The following SLC47A2 variants were observed in gnomAD, a reference collection of about 807,000 sequenced individuals.
SLC47A2 encodes the protein multidrug and toxin extrusion protein 2.
A neutral mutation model predicts 67.7 loss-of-function variants in SLC47A2; 52 were observed. The ratio of observed to expected loss-of-function variants is 0.77; its 90% CI spans 0.61 to 0.97. The LOEUF is 0.97. Ranked by LOEUF, SLC47A2 falls within the 50% of genes least tolerant of loss-of-function variation. SLC47A2 has a pLI of 0.00. For synonymous variants in SLC47A2, 278 were observed against 292.9 expected (o/e 0.95, Z 0.52); for missense variants, 676 against 712.3 (o/e 0.95, Z 0.58).
Position 19,704,196 on chromosome 17 carries a change from A to C in SLC47A2, c.910-18T>G. ...AAGGGAATCTGGGATCAAAGATAAG[A>C]AAGCACTGTCAGTGGGCCCACCCTC... is the stretch of plus-strand genomic sequence containing the variant. On this transcript the variant is annotated intron_variant, in intron 10 of 16. Coordinates refer to ENST00000433844, the MANE Select transcript of SLC47A2 (RefSeq NM_001099646.3). 6.3e-7 allele frequency: 1 copy of C among 1,593,552 alleles called. No homozygotes were observed. Among genetic ancestry groups the C allele is most frequent in the African/African-American group, 1.3e-5 (1 of 74,472 alleles).
chr17:19,705,333 T>G, intron 10 of SLC47A2, 103 bp downstream of exon 10: 1 of 1,293,484 alleles, frequency 7.7e-7, no homozygotes, highest in South Asian at 1.3e-5. Flanking sequence ...GGAGGGTCCT[T>G]CGGGAGACAG....
intron 13 of SLC47A2, among the ~76,000 whole-genome samples, chr17:19,689,049 A>C (rs2085486078): frequency 6.6e-6 from 1 of 151,720 alleles, no homozygotes; most frequent in African/African-American, 2.4e-5. Flanking sequence ...ATTTTAGTAG[A>C]GATGTACCAC....
intron 4 of SLC47A2, among the ~76,000 whole-genome samples, chr17:19,713,403 T>TC (rs1435650448): frequency 3.2e-4 from 48 of 148,872 alleles, no homozygotes; most frequent in East Asian, 1.6e-3. Flanking sequence ...ATAATAATAA[T>TC]AATAATAATA....
chr17:19,712,180 G>A (rs1308515700), intron 5 of SLC47A2, among the ~76,000 whole-genome samples: 2 of 152,150 alleles, frequency 1.3e-5, no homozygotes, highest in African/African-American at 4.8e-5. Context: ...GAGGTCAGGA[G>A]TTCAAGACTA....
At chr17:19,715,274 C>A in intron 1 of SLC47A2, 57 bp from the exon 2 acceptor site, 1 of 1,515,088 alleles carries the variant, frequency 6.6e-7, no homozygotes, top group Non-Finnish European at 9.0e-7. Flanking sequence ...CAGCCGAGCC[C>A]TGCAAGACAG....
intron 13 of SLC47A2, among the ~76,000 whole-genome samples, chr17:19,686,646 G>A (rs556551978): frequency 6.6e-6 from 1 of 152,274 alleles, no homozygotes; most frequent in African/African-American, 2.4e-5. Flanking sequence ...GTGATCAGGA[G>A]TAGTTTATAC....
intron 13 of SLC47A2, among the ~76,000 whole-genome samples, chr17:19,695,286 G>A (rs1031478558): frequency 4.6e-5 from 7 of 151,770 alleles, no homozygotes; most frequent in Non-Finnish European, 7.4e-5. Flanking sequence ...GCTTGATTTA[G>A]CCATTTCACA....
chr17:19,696,066 C>A (rs1388964387), intron 13 of SLC47A2, among the ~76,000 whole-genome samples: 1 of 151,568 alleles, frequency 6.6e-6, no homozygotes, highest in African/African-American at 2.4e-5. Flanking sequence ...GTGAATGTTA[C>A]CTTATTTGGA....
intron 4 of SLC47A2, 98 bp from the exon 5 acceptor site, chr17:19,712,843 G>C: frequency 2.6e-6 from 3 of 1,155,496 alleles, no homozygotes; most frequent in Non-Finnish European, 3.8e-6. Flanking sequence ...CTCGGCCGCT[G>C]TCCCAGGGTC....
Position 19,685,080 on chromosome 17 carries a change from G to A in SLC47A2, c.1165-3410C>T, listed in dbSNP as rs909758686. Among the ~76,000 whole-genome samples the A allele has an allele frequency of 7.9e-5, 12 of 151,956 alleles. No homozygotes were observed. Among genetic ancestry groups the A allele is most frequent in the South Asian group, 2.1e-4 (1 of 4,830 alleles). ...GGGCTGGCCTCCAGCTCCTAGCCTC[G>A]GGTGAAGTGCCCGCCTCGGCCTCCT... On this transcript the variant is annotated intron_variant, in intron 13 of 16. Coordinates refer to ENST00000433844, the MANE Select transcript of SLC47A2 (RefSeq NM_001099646.3). The surrounding 1 kb of genome is among the most constrained non-coding windows in gnomAD (Gnocchi z 4.5).
chr17:19,706,548 G>A, intron 9 of SLC47A2, 100 bp downstream of exon 9: 2 of 957,848 alleles, frequency 2.1e-6, no homozygotes, highest in South Asian at 1.7e-5. Flanking sequence ...ATCCTGGGGA[G>A]GGGGCTTCTG....
intron 13 of SLC47A2, among the ~76,000 whole-genome samples, chr17:19,683,441 C>T (rs1453840679): frequency 1.3e-5 from 2 of 152,140 alleles, no homozygotes; most frequent in Non-Finnish European, 2.9e-5. Flanking sequence ...AGTGGCTTTG[C>T]TAGCCTGAGG....
At chr17:19,714,896 G>T in intron 2 of SLC47A2, 107 bp from the exon 3 acceptor site, 1 of 1,480,156 alleles carries the variant, frequency 6.8e-7, no homozygotes, top group Middle Eastern at 1.7e-4. Context: ...AGCAGGCAGC[G>T]GTGGCAGAGG....
Position 19,705,374 on chromosome 17 carries a change from C to T in SLC47A2, c.909+62G>A, listed in dbSNP as rs1023163142. On this transcript the variant is annotated intron_variant, in intron 10 of 16. Transcript: ENST00000433844. ...GCTTCAGGTGACAGCCTGCCCCCCT[C>T]CTATGACACCTCCAGCCATCAGGTG... The T allele has an allele frequency of 4.8e-5, 73 of 1,536,480 alleles. No homozygotes were observed. In the Middle Eastern group the frequency reaches 6.7e-4, roughly 14 times the overall value.
intron 13 of SLC47A2, among the ~76,000 whole-genome samples, chr17:19,697,121 C>A (rs1010851116): frequency 6.6e-6 from 1 of 152,088 alleles, no homozygotes; most frequent in Non-Finnish European, 1.5e-5. Flanking sequence ...GAAACCCTGT[C>A]TCTACTAAAA....
rs1597592742 is a variant in SLC47A2, at chr17:19,685,260, C to T, written c.1165-3590G>A. Reference sequence around the variant, plus strand: ...GCTAAGATTACAGCCTCTGCCCGCCCGCCACCCCATCTAGGAAGTGAGCAG... The same window carrying T: ...GCTAAGATTACAGCCTCTGCCCGCCTGCCACCCCATCTAGGAAGTGAGCAG... On this transcript the variant is annotated intron_variant, in intron 13 of 16. Transcript: ENST00000433844. This position sits in a 1 kb window ranked among gnomAD's most constrained non-coding sequence, Gnocchi z 4.5. 6.6e-6 allele frequency among the ~76,000 whole-genome samples: 1 copy of T among 152,228 alleles called. No individual in the cohort carries two copies. The highest frequency in any genetic ancestry group is 1.5e-5 in the Non-Finnish European group (1 of 68,014).
chr17:19,694,636 G>T (rs760146504), intron 13 of SLC47A2, among the ~76,000 whole-genome samples: 9 of 152,270 alleles, frequency 5.9e-5, no homozygotes, highest in Non-Finnish European at 1.2e-4. Flanking sequence ...ATGGATCAGA[G>T]GCCAGGCGCT....
At chr17:19,704,566 T>C (rs2085876110) in intron 10 of SLC47A2, 2 of 1,333,840 alleles carry the variant, frequency 1.5e-6, no homozygotes, top group South Asian at 1.6e-5. Context: ...CTTGTAAAAA[T>C]AAGAATCTCT....
Position 19,706,776 on chromosome 17 carries a change from C to A in SLC47A2, c.728-15G>T. The A allele has an allele frequency of 6.3e-7, 1 of 1,594,420 alleles. No individual in the cohort carries two copies. Among genetic ancestry groups the A allele is most frequent in the Non-Finnish European group, 8.5e-7 (1 of 1,170,834 alleles). The stretch of plus-strand genomic sequence containing the variant: ...GCTGGACCAACCTGGAAACAGAGGC[C>A]CCATGAGCTGACAGCCTGCCCTGCT... On this transcript the variant is annotated splice_polypyrimidine_tract_variant and intron_variant, in intron 8 of 16. Transcript: ENST00000433844.
Sources: allele counts gnomAD v4.1 joint callset (sites outside exome capture counted in the v4.1 genomes callset), GRCh38; gene constraint gnomAD v4.1.1; non-coding constraint Gnocchi (gnomAD v3.1); transcripts MANE v1.5; gene names NCBI Gene and HGNC (gene_info 2026-07-23, HGNC 2026-07-21).